The following LYPD3 variants were observed in gnomAD, a reference collection of about 807,000 sequenced individuals.
LYPD3 encodes the protein LY6/PLAUR domain containing 3, also known as ly6/PLAUR domain-containing protein 3.
A neutral mutation model predicts 21.7 loss-of-function variants in LYPD3; 22 were observed. The ratio of observed to expected loss-of-function variants is 1.01; its 90% CI spans 0.72 to 1.45. The LOEUF (loss-of-function observed/expected upper bound fraction) is 1.45, where lower values mean the gene tolerates loss of function less well. Among genes scored for constraint, LYPD3 ranks in the 40% most tolerant of loss-of-function variants. The pLI is 0.00. For synonymous variants in LYPD3, 179 were observed against 203.0 expected, an observed-to-expected ratio of 0.88 and a Z score of 1.00; for missense variants, 471 against 466.9, an observed-to-expected ratio of 1.01 and a Z score of -0.08.
rs1462325399 is a variant in LYPD3, at chr19:43,463,649, T to C, written c.332A>G (p.Asp111Gly). ...GAGGTTGAGCTTGGCGTTGCAGCGA[T>C]CCTGAGCGCATTGCTGCAGCTGGAT... ...AFIQLQQCAQ[D>G]RCNAKLNLTS... is the part of the protein sequence containing the mutation. The change falls in exon 3 of 5, where the codon GAT becomes GGT. Residue 111 changes from aspartate to glycine, a missense_variant. Transcript: ENST00000244333. 1 of 1,607,490 alleles carries C rather than the reference T, an allele frequency of 6.2e-7. No individual in the cohort carries two copies. Among genetic ancestry groups the C allele is most frequent in the Admixed American group, 1.7e-5 (1 of 59,982 alleles).
chr19:43,463,130 C>T lies in LYPD3; in HGVS notation c.540G>A (p.Thr180=). ...KGCFDGNVTL[T]AANVTVSLPV... is the part of the protein sequence containing the mutation. ...CGTGCTCCGGGGCTCCCTCACCTGC[C>T]GTCAAGGTGACGTTGCCGTCGAAGC... is the stretch of plus-strand genomic sequence containing the variant. Residue 180 remains threonine, a synonymous_variant, in exon 4 of 5, where the codon ACG becomes ACA. Transcript: ENST00000244333. 6.2e-7 allele frequency: 1 copy of T among 1,611,870 alleles called. No individual in the cohort carries two copies. Among genetic ancestry groups the T allele is most frequent in the Non-Finnish European group, 8.5e-7 (1 of 1,179,950 alleles).
intron 1 of LYPD3, among the ~76,000 whole-genome samples, chr19:43,465,140 G>A (rs1970811489): frequency 6.6e-6 from 1 of 152,070 alleles, no homozygotes; most frequent in Non-Finnish European, 1.5e-5. Context: ...TGTTGGCCAG[G>A]CTGGTCTCGA....
chr19:43,465,442 C>T (rs1970813846), intron 1 of LYPD3, 51 bp downstream of exon 1: 1 of 1,586,050 alleles, frequency 6.3e-7, no homozygotes, highest in Admixed American at 1.7e-5. Flanking sequence ...GGAGCCTCCT[C>T]CCTAAGAGCC....
At chr19:43,464,113 A>C (rs975325299) in intron 2 of LYPD3, 6 of 722,612 alleles carry the variant, frequency 8.3e-6, no homozygotes, top group African/African-American at 3.6e-5. Context: ...CGTCCGCCCC[A>C]CCCAGTTCTC....
At chr19:43,464,491 C>A (rs372339906) in intron 1 of LYPD3, 35 bp from the exon 2 acceptor site, 1 of 1,612,932 alleles carries the variant, frequency 6.2e-7, no homozygotes, top group African/African-American at 1.3e-5. Flanking sequence ...CTGAGCCCTC[C>A]TTGCTAAAGC....
At chr19:43,463,812 T>C in intron 2 of LYPD3, 43 bp from the exon 3 acceptor site, 3 of 1,598,876 alleles carry the variant, frequency 1.9e-6, no homozygotes, top group Non-Finnish European at 2.6e-6. Flanking sequence ...GGGCGTGGTC[T>C]CAGATGGGGC....
intron 4 of LYPD3, among the ~76,000 whole-genome samples, chr19:43,462,551 G>A (rs1398854637): frequency 2.6e-5 from 4 of 152,148 alleles, no homozygotes; most frequent in African/African-American, 7.2e-5. Context: ...CAGCTACTTG[G>A]GAGGCTGAGG....
Position 43,464,775 on chromosome 19 carries a change from AGAGAACTTTTCCCACAGTGTGTGG to A in LYPD3, c.80-343_80-320del, listed in dbSNP as rs911729236. ...TCCTCACGGTTTTCTGCTCAGAATG[AGAGAACTTTTCCCACAGTGTGTGG>A]GAGAACTTTTCCCACAGTAGACTGT... On this transcript the variant is annotated intron_variant, in intron 1 of 4. Transcript: ENST00000244333. Among the ~76,000 whole-genome samples, 96 of 152,238 alleles carry A rather than the reference AGAGAACTTTTCCCACAGTGTGTGG, an allele frequency of 6.3e-4. 1 individual carries two copies. Among genetic ancestry groups the A allele is most frequent in the African/African-American group, 1.0e-3 (43 of 41,542 alleles).
chr19:43,464,931 TTTC>T lies in LYPD3; in HGVS notation c.80-478_80-476del, dbSNP rs1428573476. On this transcript the variant is annotated intron_variant, in intron 1 of 4. Coordinates refer to ENST00000244333, the MANE Select transcript of LYPD3 (RefSeq NM_014400.3). The stretch of plus-strand genomic sequence containing the variant: ...GAACACTTTTTTCTTTTTTTCTTTT[TTTC>T]TTTTTTTTTTTTTTGAGACGGAGTC... 9.3e-4 allele frequency among the ~76,000 whole-genome samples: 115 copies of T among 123,370 alleles called. 1 individual carries two copies. The East Asian group carries it at 0.01, about 11-fold the overall frequency. The allele number at this position is 123,370 out of a possible 152,430, so 80.9% of individuals were successfully genotyped here.
chr19:43,461,705 G>A lies in LYPD3; in HGVS notation c.687C>T (p.Thr229=), dbSNP rs1361676301. 6.2e-7 allele frequency: 1 copy of A among 1,614,060 alleles called. No homozygotes were observed. Among genetic ancestry groups the A allele is most frequent in the African/African-American group, 1.3e-5 (1 of 74,918 alleles). The change falls in exon 5 of 5, where the codon ACC becomes ACT. Residue 229 remains threonine, a synonymous_variant. Transcript: ENST00000244333. ...GGGGTGGGATTCGAGGGGAGAAGTAGGTCTTGTTGCGGAGGTCAGAGTTAC... is the reference window on the plus strand; with the variant it reads ...GGGGTGGGATTCGAGGGGAGAAGTAAGTCTTGTTGCGGAGGTCAGAGTTAC... ...SRCNSDLRNK[T]YFSPRIPPLV...
chr19:43,463,840 A>C, intron 2 of LYPD3, 71 bp from the exon 3 acceptor site: 5 of 1,158,620 alleles, frequency 4.3e-6, no homozygotes, highest in Non-Finnish European at 6.2e-6. Context: ...AGAGTTGGGT[A>C]GGGTCTGGGA....
In LYPD3 at chr19:43,465,522, C is replaced by T. The variant is rs771692981; in HGVS notation, c.50G>A (p.Gly17Asp). 1.9e-6 allele frequency: 3 copies of T among 1,610,406 alleles called. No homozygotes were observed. The highest frequency in any genetic ancestry group is 2.5e-6 in the Non-Finnish European group (3 of 1,179,992). Residue 17 changes from glycine (G) to aspartate (D), a missense_variant, in exon 1 of 5, where the codon GGC becomes GAC. Transcript: ENST00000244333. ...GCGAAGCAGCAGCAGCAGCAGCCAG[C>T]CTGCAGTCCAGATCATGGCCTGGGC... is the stretch of plus-strand genomic sequence containing the variant. ...AGAQAMIWTA[G>D]WLLLLLLRGG... is the part of the protein sequence containing the mutation.
rs753850281 is a variant in LYPD3 at position 43,463,196 on chromosome 19, G to T, written c.474C>A (p.Val158=). The change falls in exon 4 of 5, where the codon GTC becomes GTA. Residue 158 remains valine (V), a synonymous_variant. Transcript: ENST00000244333. ...GATCGCTGGCGTTGTAGCAGCTCAC[G>T]ACCGGCGGCGATGTACCCTGGCACG... ...REACQGTSPP[V]VSCYNASDHV... is the part of the protein sequence containing the mutation. 4 of 1,610,900 alleles carry T rather than the reference G, an allele frequency of 2.5e-6. No homozygotes were observed. Among genetic ancestry groups the T allele is most frequent in the Middle Eastern group, 1.6e-4 (1 of 6,062 alleles).
chr19:43,461,544 C>A lies in LYPD3; in HGVS notation c.848G>T (p.Gly283Val). Reference protein sequence around the residue: ...PAPTSQTPRQGVEHEASRDEE... With the variant: ...PAPTSQTPRQVVEHEASRDEE... ...ATCCCGGGAGGCCTCGTGTTCTACTCCCTGTCTCGGAGTCTGACTGGTTGG... is the reference window on the plus strand; with the variant it reads ...ATCCCGGGAGGCCTCGTGTTCTACTACCTGTCTCGGAGTCTGACTGGTTGG... Residue 283 changes from glycine to valine, a missense_variant, in exon 5 of 5, where the codon GGA becomes GTA. Coordinates refer to ENST00000244333, the MANE Select transcript of LYPD3 (RefSeq NM_014400.3). The A allele has an allele frequency of 6.2e-7, 1 of 1,614,154 alleles. No homozygotes were observed. The highest frequency in any genetic ancestry group is 8.5e-7 in the Non-Finnish European group (1 of 1,180,032).
chr19:43,465,412 C>T, intron 1 of LYPD3, 81 bp downstream of exon 1: 1 of 1,494,216 alleles, frequency 6.7e-7, no homozygotes, highest in Non-Finnish European at 9.1e-7. Context: ...TTCCCACAGC[C>T]TTCTCTGTAC....
rs1970794886 is a variant in LYPD3 at position 43,463,650 on chromosome 19, C to A, written c.331G>T (p.Asp111Tyr). 1 of 1,607,658 alleles carries A rather than the reference C, an allele frequency of 6.2e-7. No individual in the cohort carries two copies. The highest frequency in any genetic ancestry group is 1.7e-5 in the Admixed American group (1 of 59,998). ...AFIQLQQCAQDRCNAKLNLTS... is the reference protein window; with the variant it reads ...AFIQLQQCAQYRCNAKLNLTS... ...AGGTTGAGCTTGGCGTTGCAGCGAT[C>A]CTGAGCGCATTGCTGCAGCTGGATG... The change falls in exon 3 of 5, where the codon GAT becomes TAT. Residue 111 changes from aspartate (D) to tyrosine (Y), a missense_variant. Physicochemically the swap from Asp to Tyr is radical, Grantham distance 160. Coordinates refer to ENST00000244333, the MANE Select transcript of LYPD3 (RefSeq NM_014400.3).
chr19:43,465,594 G>T lies in LYPD3; in HGVS notation c.-23C>A. The T allele has an allele frequency of 3.1e-6, 5 of 1,604,624 alleles. No homozygotes were observed. Among genetic ancestry groups the T allele is most frequent in the Non-Finnish European group, 3.4e-6 (4 of 1,177,714 alleles). ...CATGGCTCCGTCCTGCTCCCTTGGC[G>T]TCCCCCCTGGATGTGCCGCCTCCGA... On this transcript the variant is annotated 5_prime_UTR_variant, in exon 1 of 5. Transcript: ENST00000244333.
chr19:43,461,868 T>C (rs1478031669), intron 4 of LYPD3, 21 bp from the exon 5 acceptor site: 4 of 1,594,318 alleles, frequency 2.5e-6, no homozygotes, highest in Middle Eastern at 1.7e-4. Context: ...GAGACACAGA[T>C]AGGTCAGTGG....
In LYPD3 at chr19:43,463,431, G is replaced by T. The variant is rs1255058570; in HGVS notation, c.383-144C>A. The T allele has an allele frequency of 9.6e-6, 13 of 1,358,840 alleles. No homozygotes were observed. The Admixed American group carries it at 2.2e-4, about 23-fold the overall frequency. The allele number at this position is 1,358,840 out of a possible 1,614,324, so 84.2% of individuals were successfully genotyped here. On this transcript the variant is annotated intron_variant, in intron 3 of 4. Transcript: ENST00000244333. The stretch of plus-strand genomic sequence containing the variant: ...GCCCCGCCCCAGCGCGCAACCTCGC[G>T]GCGCCTACAGCCAGAAAGTCCCTCC...
Sources: allele counts gnomAD v4.1 joint callset (sites outside exome capture counted in the v4.1 genomes callset), GRCh38; gene constraint gnomAD v4.1.1; transcripts MANE v1.5; gene names NCBI Gene and HGNC (gene_info 2026-07-23, HGNC 2026-07-21).